Variants in TMEM132D observed in about 807,000 individuals in gnomAD.
TMEM132D encodes the protein mature OL transmembrane protein.
Under a neutral mutation model 62.3 loss-of-function variants are expected in TMEM132D, and 21 were observed. The ratio of observed to expected loss-of-function variants is 0.34; its 90% confidence interval spans 0.24 to 0.49. TMEM132D has a LOEUF of 0.49. TMEM132D is among the 20% of genes least tolerant of loss of function. The pLI is 0.99. For synonymous variants in TMEM132D, 621 were observed against 575.6 expected, an observed-to-expected ratio of 1.08 and a Z score of -1.13; for missense variants, 1,346 against 1,402.8, an observed-to-expected ratio of 0.96 and a Z score of 0.65.
intron 5 of TMEM132D, among the ~76,000 whole-genome samples, chr12:129,177,120 TAGACA>T (rs10616409): frequency 0.011 from 1,657 of 152,178 alleles, 34 homozygotes; most frequent in African/African-American, 0.038. Flanking sequence ...GGGAATTAAC[TAGACA>T]AAAGAAAAAA....
At chr12:129,837,178 AT>A (rs1566003115) in intron 1 of TMEM132D, among the ~76,000 whole-genome samples, 1 of 152,146 alleles carries the variant, frequency 6.6e-6, no homozygotes, top group Non-Finnish European at 1.5e-5. Flanking sequence ...TCTAGTAATT[AT>A]TTTTTTATAG....
chr12:129,623,070 G>A (rs1366254928), intron 2 of TMEM132D, among the ~76,000 whole-genome samples: 1 of 152,150 alleles, frequency 6.6e-6, no homozygotes, highest in Non-Finnish European at 1.5e-5. Context: ...GAGAGAGATG[G>A]AGAGAAAGAG....
At chr12:129,894,574 A>G (rs1875041322) in intron 1 of TMEM132D, among the ~76,000 whole-genome samples, 1 of 152,210 alleles carries the variant, frequency 6.6e-6, no homozygotes, top group African/African-American at 2.4e-5. Flanking sequence ...CATGTAACAG[A>G]GTCCTGATGG....
intron 4 of TMEM132D, among the ~76,000 whole-genome samples, chr12:129,336,394 G>A (rs1869271824): frequency 6.6e-6 from 1 of 151,996 alleles, no homozygotes; most frequent in African/African-American, 2.4e-5. Context: ...TGGCCAAGAT[G>A]GTGAAACCCT....
At chr12:129,245,528 C>T (rs769658357) in intron 4 of TMEM132D, among the ~76,000 whole-genome samples, 1 of 151,846 alleles carries the variant, frequency 6.6e-6, no homozygotes, top group Admixed American at 6.6e-5. Context: ...CTGTGTGCAG[C>T]CAATATTCTT....
chr12:129,550,780 T>C (rs1034713969), intron 2 of TMEM132D, among the ~76,000 whole-genome samples: 2 of 152,136 alleles, frequency 1.3e-5, no homozygotes, highest in African/African-American at 4.8e-5. Context: ...CCACTTGGTG[T>C]TCAGCAGATA....
chr12:129,896,427 T>C (rs1361052756), intron 1 of TMEM132D, among the ~76,000 whole-genome samples: 1 of 152,168 alleles, frequency 6.6e-6, no homozygotes, highest in East Asian at 1.9e-4. Context: ...GATATCAAAA[T>C]ACTTTATTGC....
intron 2 of TMEM132D, among the ~76,000 whole-genome samples, chr12:129,633,463 T>C (rs1367915880): frequency 1.3e-5 from 2 of 152,164 alleles, no homozygotes; most frequent in Non-Finnish European, 2.9e-5. Flanking sequence ...TAGAACCAAA[T>C]TCCCCAGGAA....
chr12:129,466,918 C>A (rs1873928056), intron 3 of TMEM132D, among the ~76,000 whole-genome samples: 1 of 152,096 alleles, frequency 6.6e-6, no homozygotes. Context: ...AGTAAGTTCT[C>A]CAAGGTGTCT....
chr12:129,625,417 T>C (rs1397164077), intron 2 of TMEM132D, among the ~76,000 whole-genome samples: 3 of 152,234 alleles, frequency 2.0e-5, no homozygotes, highest in African/African-American at 7.2e-5. Flanking sequence ...CTTTGGCACC[T>C]GCACACCAAA....
At chr12:129,601,720 C>CTA (rs756781487) in intron 2 of TMEM132D, among the ~76,000 whole-genome samples, 41,093 of 151,782 alleles carry the variant, frequency 0.27, 6,416 homozygotes, top group Non-Finnish European at 0.35. Flanking sequence ...AGAACACACA[C>CTA]ATTTATAAAT....
intron 3 of TMEM132D, among the ~76,000 whole-genome samples, chr12:129,474,227 T>C (rs34155165): frequency 0.19 from 28,768 of 152,166 alleles, 3,086 homozygotes; most frequent in Non-Finnish European, 0.24. Flanking sequence ...CACAGTAATA[T>C]TTTTACTATT....
chr12:129,184,599 C>T (rs1404346487), intron 5 of TMEM132D, among the ~76,000 whole-genome samples: 1 of 152,214 alleles, frequency 6.6e-6, no homozygotes, highest in African/African-American at 2.4e-5. Context: ...TTTAGTCTCT[C>T]CGTGGCTATT....
intron 3 of TMEM132D, among the ~76,000 whole-genome samples, chr12:129,456,350 C>G: frequency 6.6e-6 from 1 of 152,142 alleles, no homozygotes; most frequent in African/African-American, 2.4e-5. Context: ...TTATTATAAT[C>G]CAGTGACCAT....
At chr12:129,585,901 G>A (rs1056660601) in intron 2 of TMEM132D, among the ~76,000 whole-genome samples, 2 of 151,648 alleles carry the variant, frequency 1.3e-5, no homozygotes, top group African/African-American at 4.9e-5. Context: ...CAAGAGGAAA[G>A]CGAAAAATAT....
At chr12:129,163,583 G>A (rs957170035) in intron 5 of TMEM132D, among the ~76,000 whole-genome samples, 1 of 152,200 alleles carries the variant, frequency 6.6e-6, no homozygotes, top group African/African-American at 2.4e-5. Context: ...GGCAGTGGTG[G>A]GTGCCTCTAA....
At chr12:129,496,481 G>C (rs976354947) in intron 3 of TMEM132D, among the ~76,000 whole-genome samples, 1 of 152,118 alleles carries the variant, frequency 6.6e-6, no homozygotes, top group African/African-American at 2.4e-5. Flanking sequence ...GATCATAAAG[G>C]AGGAAATTAT....
At chr12:129,676,805 CATCATCTATCTATGTTT>C (rs1283881149) in intron 2 of TMEM132D, among the ~76,000 whole-genome samples, 355 of 152,264 alleles carry the variant, frequency 2.3e-3, no homozygotes, top group African/African-American at 8.1e-3. Flanking sequence ...TGTAATCTAT[CATCATCTATCTATGTTT>C]ATCATCTATC....
intron 2 of TMEM132D, among the ~76,000 whole-genome samples, chr12:129,614,143 G>T (rs1878854024): frequency 6.6e-6 from 1 of 152,198 alleles, no homozygotes; most frequent in South Asian, 2.1e-4. Context: ...ACTGTCTGGA[G>T]AACCCAGGTG....
Sources: allele counts gnomAD v4.1 joint callset (sites outside exome capture counted in the v4.1 genomes callset), GRCh38; gene constraint gnomAD v4.1.1; transcripts MANE v1.5; gene names NCBI Gene and HGNC (gene_info 2026-07-23, HGNC 2026-07-21).